GIGYF1: variants seen among roughly 807,000 people sequenced by gnomAD.
GIGYF1 encodes the protein GRB10 interacting GYF protein 1.
A neutral mutation model predicts 147.1 loss-of-function variants in GIGYF1; 84 were observed. The observed-to-expected ratio is 0.57, with a 90% CI of 0.48 to 0.68. GIGYF1 has a LOEUF of 0.68. Ranked by LOEUF, GIGYF1 falls within the 30% of genes least tolerant of loss-of-function variation. The probability of loss-of-function intolerance (pLI) is 0.00; values close to 1 mark genes in which losing one functional copy is unlikely to be tolerated. For missense variants in GIGYF1, 1,485 were observed against 1,393.7 expected (o/e 1.07, Z -1.04); for synonymous variants, 752 against 589.5 (o/e 1.28, Z -3.99).
At position 100,683,104 on chromosome 7, in the gene GIGYF1, G is replaced by A; in HGVS notation, c.2320C>T (p.Leu774Phe). ...TCGCCCTCCAGCTGCAACTCCAGGA[G>A]CGTCTTCATGGACAGCCCCTGCTTG... ...LAKQGLSMKTLLELQLEGERQ... is the reference protein window; with the variant it reads ...LAKQGLSMKTFLELQLEGERQ... The change falls in exon 22 of 27, where the codon CTC (leucine) becomes TTC (phenylalanine). Residue 774 changes from leucine to phenylalanine, a missense_variant. Physicochemically the swap from Leu to Phe is conservative, Grantham distance 22 (BLOSUM62 0). Transcript: ENST00000678049. The A allele has an allele frequency of 6.3e-7, 1 of 1,591,906 alleles. No homozygotes were observed. The highest frequency in any genetic ancestry group is 8.5e-7 in the Non-Finnish European group (1 of 1,174,254).
Position 100,684,477 on chromosome 7 carries a change from G to A in GIGYF1, c.1602C>T (p.Ala534=). The A allele has an allele frequency of 6.2e-7, 1 of 1,613,338 alleles. No individual in the cohort carries two copies. Among genetic ancestry groups the A allele is most frequent in the South Asian group, 1.1e-5 (1 of 91,086 alleles). ...VIKMWGRVPF[A]PGPSPPPLLG... ...GCAGTGGGGGAGGTGAGGGCCCTGG[G>A]GCAAAGGGCACGCGGCCCCACATCT... The change falls in exon 16 of 27, where the codon GCC becomes GCT. Residue 534 remains alanine (A), a synonymous_variant. Transcript: ENST00000678049.
Position 100,681,632 on chromosome 7 carries a change from C to A in GIGYF1, c.*87G>T. The A allele has an allele frequency of 7.6e-7, 1 of 1,320,786 alleles. No homozygotes were observed. The highest frequency in any genetic ancestry group is 1.5e-5 in the South Asian group (1 of 68,344). 81.8% of individuals were successfully genotyped at this position (1,320,786 alleles called of 1,614,324 possible). A position where few individuals can be genotyped will look rare whatever the true frequency, so the allele number is the denominator to read the frequency against. Reference sequence around the variant, plus strand: ...CCGCCCCTGCCTCTTCCTGTGCTCTCTGCGGGGAGCCTGCAGGCTGGGACC... The same window carrying A: ...CCGCCCCTGCCTCTTCCTGTGCTCTATGCGGGGAGCCTGCAGGCTGGGACC... On this transcript the variant is annotated 3_prime_UTR_variant, in exon 27 of 27. Coordinates refer to ENST00000678049, the MANE Select transcript of GIGYF1 (RefSeq NM_001375765.1).
rs1400486438 is a variant in GIGYF1, at chr7:100,686,050, C to T, written c.978G>A (p.Glu326=). ...CCAACCCTTGGAAGTCCAGCTCCTG[C>T]TCCTCAGGAATGGGCTCCTTGGGGC... ...KKGPKEPIPE[E]QELDFQGLEE... The change falls in exon 12 of 27, where the codon GAG becomes GAA. Residue 326 remains glutamate (E), a synonymous_variant. Transcript: ENST00000678049. 2.5e-6 allele frequency: 4 copies of T among 1,612,878 alleles called. No individual in the cohort carries two copies. The highest frequency in any genetic ancestry group is 3.3e-5 in the Admixed American group (2 of 60,004).
chr7:100,686,817 G>T lies in GIGYF1; in HGVS notation c.526C>A (p.Arg176=), dbSNP rs1360915588. ...FEKSARRDGA[R]CGFEEGGAGP... ...GCCCCTCCCTCCTCAAAGCCACATC[G>T]TGCTGGGAGACGGGAAGACAGGGGC... Residue 176 remains arginine (R), a splice_region_variant and synonymous_variant, in exon 10 of 27, where the codon CGA becomes AGA. Coordinates refer to ENST00000678049, the MANE Select transcript of GIGYF1 (RefSeq NM_001375765.1). The T allele has an allele frequency of 6.2e-7, 1 of 1,613,718 alleles. No individual in the cohort carries two copies. Among genetic ancestry groups the T allele is most frequent in the East Asian group, 2.2e-5 (1 of 44,874 alleles).
rs754127811 is a variant in GIGYF1, at chr7:100,687,366, G to A, written c.414C>T (p.Ile138=). ...RGDSCFYQRS[I]EEGDGAFGRS... ...GTCCAAAGGCCCCATCGCCTTCTTC[G>A]ATGCTTCTTTGGTAAAAGCAGCTGT... Residue 138 remains isoleucine (I), a synonymous_variant, in exon 8 of 27, where the codon ATC becomes ATT. Transcript: ENST00000678049. The A allele has an allele frequency of 9.9e-6, 16 of 1,613,276 alleles. No homozygotes were observed. Among genetic ancestry groups the A allele is most frequent in the African/African-American group, 2.7e-5 (2 of 74,904 alleles).
At position 100,682,321 on chromosome 7, in the gene GIGYF1, C is replaced by A; in HGVS notation, c.2761+1G>T. On this transcript the variant is annotated splice_donor_variant, in intron 24 of 26. Transcript: ENST00000678049. LOFTEE classifies it high-confidence loss of function. ...CCACCTCCTGGGAGCCGCTCGCCCACCGTCCAGGCTGCCCGTGGCGCTCAG... is the reference window on the plus strand; with the variant it reads ...CCACCTCCTGGGAGCCGCTCGCCCAACGTCCAGGCTGCCCGTGGCGCTCAG... 1 of 1,611,698 alleles carries A rather than the reference C, an allele frequency of 6.2e-7. No individual in the cohort carries two copies.
chr7:100,687,109 G>A (rs568133260), intron 8 of GIGYF1, 63 bp from the exon 9 acceptor site: 32 of 1,598,572 alleles, frequency 2.0e-5, no homozygotes, highest in Admixed American at 1.5e-4. Flanking sequence ...CTGTGCAACC[G>A]CCCCATGCCT....
rs139736446 is a variant in GIGYF1 at position 100,687,397 on chromosome 7, C to A, written c.383G>T (p.Arg128Leu). 4 of 1,613,278 alleles carry A rather than the reference C, an allele frequency of 2.5e-6. No homozygotes were observed. The Admixed American group carries it at 5.0e-5, about 20-fold the overall frequency. ...TCTTTGGTAAAAGCAGCTGTCACCA[C>A]GGCCGCGGCCTAGAGAAGAGGCCAG... ...RGSTRSRGRG[R>L]GDSCFYQRSI... The change falls in exon 8 of 27, where the codon CGT becomes CTT. Residue 128 changes from arginine (R) to leucine (L), a missense_variant. Physicochemically the swap from Arg to Leu is moderately radical, Grantham distance 102. Coordinates refer to ENST00000678049, the MANE Select transcript of GIGYF1 (RefSeq NM_001375765.1).
chr7:100,686,513 A>C (rs2131384638), intron 10 of GIGYF1, 80 bp from the exon 11 acceptor site: 1 of 1,518,704 alleles, frequency 6.6e-7, no homozygotes, highest in Non-Finnish European at 8.8e-7. Flanking sequence ...CTCACGGAGC[A>C]CCTCCAGGGC....
chr7:100,685,167 G>A (rs760232597), intron 13 of GIGYF1, 21 bp from the exon 14 acceptor site: 25 of 1,563,090 alleles, frequency 1.6e-5, no homozygotes, highest in Admixed American at 9.2e-5. Flanking sequence ...TGAGATAGGA[G>A]GTGGAAAGAA....
At position 100,693,513 on chromosome 7, in the gene GIGYF1, C is replaced by A. The variant is rs552372675; in HGVS notation, c.-1099+597G>T. ...AAAGGAAACAGAGGTGAGGAGGACC[C>A]AGGCGAGGTGCCTGGGTGGAGGGCA... On this transcript the variant is annotated intron_variant, in intron 1 of 26. Coordinates refer to ENST00000678049, the MANE Select transcript of GIGYF1 (RefSeq NM_001375765.1). 2.6e-5 allele frequency among the ~76,000 whole-genome samples: 4 copies of A among 152,274 alleles called. No individual in the cohort carries two copies. In the South Asian group the frequency reaches 8.3e-4, roughly 32 times the overall value.
Position 100,688,481 on chromosome 7 carries a change from G to A in GIGYF1, c.-100C>T. 1.4e-6 allele frequency: 1 copy of A among 691,540 alleles called. No individual in the cohort carries two copies. 42.8% of individuals were successfully genotyped at this position (691,540 alleles called of 1,614,324 possible). On this transcript the variant is annotated 5_prime_UTR_variant, in exon 3 of 27. Coordinates refer to ENST00000678049, the MANE Select transcript of GIGYF1 (RefSeq NM_001375765.1). ...CCAGCCACGTGGCCACTCACACCAT[G>A]AGTTACCCAGAGATGAGTCCAGACG...
At position 100,683,375 on chromosome 7, in the gene GIGYF1, TCTC is replaced by T; in HGVS notation, c.2119_2121del (p.Glu707del). On this transcript the variant is annotated inframe_deletion, in exon 21 of 27. Transcript: ENST00000678049. ...TCCTCCTGCTGCTGCTGGCGGCGCT[TCTC>T]CTCTCGACGCTTGCGTTCCTCTTCC... 1 of 1,613,604 alleles carries T rather than the reference TCTC, an allele frequency of 6.2e-7. No individual in the cohort carries two copies. Among genetic ancestry groups the T allele is most frequent in the Non-Finnish European group, 8.5e-7 (1 of 1,179,990 alleles).
chr7:100,685,404 G>C lies in GIGYF1; in HGVS notation c.1132C>G (p.Leu378Val). The C allele has an allele frequency of 6.3e-7, 1 of 1,589,856 alleles. No individual in the cohort carries two copies. The highest frequency in any genetic ancestry group is 8.5e-7 in the Non-Finnish European group (1 of 1,174,208). ...SPSPLPTLGP[L>V]WGTNGDGDET... The stretch of plus-strand genomic sequence containing the variant: ...TCCCCATCCCCGTTTGTCCCCCAGA[G>C]TGGGCCCAGGGTGGGCAGTGGGGAT... The change falls in exon 13 of 27, where the codon CTC becomes GTC. Residue 378 changes from leucine to valine, a missense_variant. Coordinates refer to ENST00000678049, the MANE Select transcript of GIGYF1 (RefSeq NM_001375765.1).
intron 12 of GIGYF1, 56 bp downstream of exon 12, chr7:100,685,918 G>T (rs1460644754): frequency 2.7e-6 from 4 of 1,466,972 alleles, no homozygotes; most frequent in Non-Finnish European, 3.8e-6. Context: ...GCCCGGCAAA[G>T]AACACCAGTG....
At chr7:100,682,831 G>A in intron 22 of GIGYF1, 54 bp from the exon 23 acceptor site, 1 of 1,485,604 alleles carries the variant, frequency 6.7e-7, no homozygotes, top group Non-Finnish European at 9.0e-7. Context: ...CAGAAAAGCG[G>A]ATGGGGAGGC....
At chr7:100,682,972 A>AAACT in intron 22 of GIGYF1, 40 bp downstream of exon 22, 1 of 1,433,086 alleles carries the variant, frequency 7.0e-7, no homozygotes, top group Non-Finnish European at 9.2e-7. Flanking sequence ...GCCACCCTGG[A>AAACT]AACTGTAGGG....
intron 8 of GIGYF1, 32 bp from the exon 9 acceptor site, chr7:100,687,078 A>C: frequency 6.2e-7 from 1 of 1,613,602 alleles, no homozygotes; most frequent in Non-Finnish European, 8.5e-7. Context: ...GGTCAGAAAC[A>C]GTACAGCCTC....
rs1449690685 is a variant in GIGYF1, at chr7:100,681,694, C to T, written c.*25G>A. 2.6e-6 allele frequency: 4 copies of T among 1,531,900 alleles called. No individual in the cohort carries two copies. The highest frequency in any genetic ancestry group is 3.5e-6 in the Non-Finnish European group (4 of 1,140,344). 94.9% of individuals were successfully genotyped at this position (1,531,900 alleles called of 1,614,324 possible). On this transcript the variant is annotated 3_prime_UTR_variant, in exon 27 of 27. Coordinates refer to ENST00000678049, the MANE Select transcript of GIGYF1 (RefSeq NM_001375765.1). ...CCGCTGTGGCTGCCCTGGCCTACAG[C>T]CCAGGGGCTGGGGGTCCGGGCTGGT...
Sources: gnomAD v4.1 joint callset for allele counts (sites outside exome capture counted in the v4.1 genomes callset) on GRCh38, gnomAD v4.1.1 for gene constraint, MANE v1.5 for transcripts, NCBI Gene and HGNC (gene_info 2026-07-23, HGNC 2026-07-21) for gene names.